Variants in CACNA2D1 observed in about 807,000 individuals in gnomAD.
CACNA2D1 encodes calcium voltage-gated channel auxiliary subunit alpha2delta 1.
A neutral mutation model predicts 171.5 loss-of-function variants in CACNA2D1; 53 were observed. The ratio of observed to expected loss-of-function variants is 0.31; its 90% CI spans 0.25 to 0.39. CACNA2D1 has a LOEUF of 0.39. Among genes scored for constraint, CACNA2D1 ranks in the 10% least tolerant of loss-of-function variants. CACNA2D1 has a pLI of 1.00. For missense variants in CACNA2D1, 903 were observed against 1,299.8 expected (o/e 0.69, Z 4.69); for synonymous variants, 442 against 443.1 (o/e 1.00, Z 0.03).
intron 3 of CACNA2D1, among the ~76,000 whole-genome samples, chr7:82,273,288 T>C (rs1399772967): frequency 6.6e-6 from 1 of 151,886 alleles, no homozygotes; most frequent in African/African-American, 2.4e-5. Context: ...GAATTTATGC[T>C]AAGGAAATAA....
chr7:82,362,906 C>A (rs1374855575), intron 1 of CACNA2D1, among the ~76,000 whole-genome samples: 4 of 152,160 alleles, frequency 2.6e-5, no homozygotes, highest in Admixed American at 2.6e-4. Flanking sequence ...ATACTTCCTG[C>A]AATGGGCATT....
intron 3 of CACNA2D1, among the ~76,000 whole-genome samples, chr7:82,173,245 G>A (rs1013123104): frequency 6.6e-6 from 1 of 152,050 alleles, no homozygotes; most frequent in Non-Finnish European, 1.5e-5. Flanking sequence ...TTCCCTAGGA[G>A]GAAGATAGTC....
intron 3 of CACNA2D1, among the ~76,000 whole-genome samples, chr7:82,202,616 G>A (rs554204683): frequency 4.6e-5 from 7 of 152,282 alleles, no homozygotes; most frequent in Non-Finnish European, 8.8e-5. Flanking sequence ...GGTACAAGAA[G>A]TACACACTCA....
At chr7:82,270,268 G>A (rs1389489552) in intron 3 of CACNA2D1, among the ~76,000 whole-genome samples, 1 of 152,040 alleles carries the variant, frequency 6.6e-6, no homozygotes, top group African/African-American at 2.4e-5. Context: ...GGTAGCTATT[G>A]TCATGACTTC....
At chr7:82,363,944 T>C (rs2018982) in intron 1 of CACNA2D1, among the ~76,000 whole-genome samples, 90,156 of 151,972 alleles carry the variant, frequency 0.59, 28,010 homozygotes, top group Middle Eastern at 0.73. Flanking sequence ...TCAAAAAGGT[T>C]GGGTGAAGGC....
At chr7:82,114,697 A>T (rs547816896) in intron 6 of CACNA2D1, among the ~76,000 whole-genome samples, 192 of 149,048 alleles carry the variant, frequency 1.3e-3, no homozygotes, top group African/African-American at 4.5e-3. Flanking sequence ...CAGAGGTTGC[A>T]GTGAGCTGAG....
intron 36 of CACNA2D1, among the ~76,000 whole-genome samples, chr7:81,960,642 C>T (rs891142795): frequency 3.3e-5 from 5 of 152,000 alleles, no homozygotes; most frequent in Non-Finnish European, 7.4e-5. Flanking sequence ...CTTTGATTTC[C>T]ATAAAGCAAA....
At chr7:82,011,470 T>A (rs984875217) in intron 15 of CACNA2D1, among the ~76,000 whole-genome samples, 2 of 152,120 alleles carry the variant, frequency 1.3e-5, no homozygotes, top group African/African-American at 4.8e-5. Context: ...AAAGACCCCC[T>A]TGTTGAGAAC....
chr7:82,278,567 A>T (rs1054451549), intron 3 of CACNA2D1, among the ~76,000 whole-genome samples: 2 of 151,228 alleles, frequency 1.3e-5, no homozygotes, highest in Non-Finnish European at 3.0e-5. Flanking sequence ...TAAAAAAAAA[A>T]AAAAAAAAAA....
chr7:82,321,644 C>G (rs189373580), intron 3 of CACNA2D1, among the ~76,000 whole-genome samples: 323 of 152,158 alleles, frequency 2.1e-3, no homozygotes, highest in African/African-American at 7.4e-3. Context: ...TCATTATGCG[C>G]CAAAAACACT....
chr7:82,160,769 G>C (rs1353674616), intron 4 of CACNA2D1, among the ~76,000 whole-genome samples: 1 of 151,958 alleles, frequency 6.6e-6, no homozygotes. Context: ...CACCACACCT[G>C]GCATTTTCTA....
chr7:82,309,693 G>A (rs770614827), intron 3 of CACNA2D1, among the ~76,000 whole-genome samples: 2 of 152,186 alleles, frequency 1.3e-5, no homozygotes, highest in Admixed American at 6.5e-5. Context: ...GTCTGGAGAA[G>A]TGGCCATAGT....
At position 82,303,079 on chromosome 7, in the gene CACNA2D1, C is replaced by T. The variant is rs1045976874; in HGVS notation, c.294+32056G>A. On this transcript the variant is annotated intron_variant, in intron 3 of 38. Transcript: ENST00000356860. ...TGCGATCTCGGCTCACTGCAAGCTCCGCCTCCTGGGTTCATGCCATTCTCC... is the reference window on the plus strand; with the variant it reads ...TGCGATCTCGGCTCACTGCAAGCTCTGCCTCCTGGGTTCATGCCATTCTCC... Among the ~76,000 whole-genome samples the T allele has an allele frequency of 2.6e-5, 4 of 151,928 alleles. 1 individual carries two copies. Among genetic ancestry groups the T allele is most frequent in the Admixed American group, 2.6e-4 (4 of 15,258 alleles).
chr7:82,031,261 G>A (rs532783986), intron 12 of CACNA2D1, among the ~76,000 whole-genome samples: 1 of 151,948 alleles, frequency 6.6e-6, no homozygotes, highest in South Asian at 2.1e-4. Context: ...GTGGCAAGGA[G>A]GTTCAGGGAC....
rs1295519489 is a variant in CACNA2D1, at chr7:82,434,001, T to C, written c.95+9364A>G. 2.0e-5 allele frequency among the ~76,000 whole-genome samples: 3 copies of C among 152,162 alleles called. No homozygotes were observed. In the East Asian group the frequency reaches 5.8e-4, roughly 29 times the overall value. Reference sequence around the variant, plus strand: ...TGGGAGGTTATCTTTAGGACTAGAATTCTACACTCAAGCTGGTTCAAGGCT... The same window carrying C: ...TGGGAGGTTATCTTTAGGACTAGAACTCTACACTCAAGCTGGTTCAAGGCT... On this transcript the variant is annotated intron_variant, in intron 1 of 38. Transcript: ENST00000356860.
rs371567877 is a variant in CACNA2D1 at position 82,063,091 on chromosome 7, G to A, written c.779+1213C>T. On this transcript the variant is annotated intron_variant, in intron 9 of 38. Transcript: ENST00000356860. The stretch of plus-strand genomic sequence containing the variant: ...ATCTTTGTTTCTATGTTACTACACT[G>A]TGTGTAGGAAGACCTCAATACATTT... 3.4e-3 allele frequency among the ~76,000 whole-genome samples: 523 copies of A among 152,190 alleles called. 5 individuals carry two copies. The highest frequency in any genetic ancestry group is 0.012 in the African/African-American group (500 of 41,526).
At chr7:82,344,825 G>C (rs1226737162) in intron 2 of CACNA2D1, among the ~76,000 whole-genome samples, 1 of 152,090 alleles carries the variant, frequency 6.6e-6, no homozygotes, top group Non-Finnish European at 1.5e-5. Flanking sequence ...AGGCAACTCT[G>C]AATAAAAGCA....
At chr7:82,311,810 A>G (rs1275322788) in intron 3 of CACNA2D1, among the ~76,000 whole-genome samples, 1 of 152,198 alleles carries the variant, frequency 6.6e-6, no homozygotes, top group Non-Finnish European at 1.5e-5. Context: ...GCTTTGAAGC[A>G]CTGGGACTGA....
At chr7:82,157,575 T>C (rs115388921) in intron 4 of CACNA2D1, among the ~76,000 whole-genome samples, 2,658 of 152,140 alleles carry the variant, frequency 0.017, 83 homozygotes, top group African/African-American at 0.061. Flanking sequence ...GATCAACATC[T>C]ATGATACTAA....
Sources: allele counts gnomAD v4.1 joint callset (sites outside exome capture counted in the v4.1 genomes callset), GRCh38; gene constraint gnomAD v4.1.1; transcripts MANE v1.5; gene names NCBI Gene and HGNC (gene_info 2026-07-23, HGNC 2026-07-21).